The following CRHR1 variants were observed in gnomAD, a reference collection of about 807,000 sequenced individuals.
CRHR1 encodes corticotropin-releasing hormone receptor 1.
In CRHR1, 28 loss-of-function variants were observed where a neutral mutation model predicts 56.0. The observed-to-expected ratio is 0.50, with a 90% CI of 0.37 to 0.69. The LOEUF (loss-of-function observed/expected upper bound fraction) is 0.69, where lower values mean the gene tolerates loss of function less well. Among genes scored for constraint, CRHR1 ranks in the 30% least tolerant of loss-of-function variants. The pLI is 0.00. For missense variants in CRHR1, 376 were observed against 548.0 expected (o/e 0.69, Z 3.13); for synonymous variants, 195 against 216.5 (o/e 0.90, Z 0.87).
chr17:45,831,864 G>T (rs949569024), intron 8 of CRHR1, among the ~76,000 whole-genome samples: 1 of 152,186 alleles, frequency 6.6e-6, no homozygotes, highest in African/African-American at 2.4e-5. Flanking sequence ...CCCATGGAGG[G>T]GAGGGGGCCT....
In CRHR1 at chr17:45,834,685, G is replaced by A. The variant is rs970324833; in HGVS notation, c.1169G>A (p.Arg390Gln). 1.5e-5 allele frequency: 25 copies of A among 1,613,550 alleles called. No homozygotes were observed. Among genetic ancestry groups the A allele is most frequent in the Non-Finnish European group, 2.1e-5 (25 of 1,179,970 alleles). The change falls in exon 13 of 13, where the codon CGA (arginine) becomes CAA (glutamine). Residue 390 changes from arginine to glutamine, a missense_variant. Coordinates refer to ENST00000314537, the MANE Select transcript of CRHR1 (RefSeq NM_004382.5). ...RWQDKHSIRA[R>Q]VARAMSIPTS... The stretch of plus-strand genomic sequence containing the variant: ...CAGGACAAGCACTCGATCCGTGCCC[G>A]AGTGGCCCGTGCCATGTCCATCCCC...
chr17:45,833,701 C>CCCCCCCCCCCCCCCCCCA lies in CRHR1; in HGVS notation c.930-13_930-12insCCCCCCCCCCCCCCCCCA. 1.0e-6 allele frequency: 1 copy of CCCCCCCCCCCCCCCCCCA among 998,084 alleles called. No individual in the cohort carries two copies. The highest frequency in any genetic ancestry group is 1.6e-6 in the Non-Finnish European group (1 of 630,660). 61.8% of individuals were successfully genotyped at this position (998,084 alleles called of 1,614,324 possible). A position where few individuals can be genotyped will look rare whatever the true frequency, so the allele number is the denominator to read the frequency against. On this transcript the variant is annotated splice_polypyrimidine_tract_variant and intron_variant, in intron 10 of 12. Transcript: ENST00000314537. ...GGCTGTGACTCCGAGCCTCCCCACC[C>CCCCCCCCCCCCCCCCCCA]GCCCCACCCCAGGAAGGCTGTGAAA... is the stretch of plus-strand genomic sequence containing the variant.
chr17:45,829,505 G>T, intron 5 of CRHR1, 184 bp downstream of exon 5: 1 of 1,495,872 alleles, frequency 6.7e-7, no homozygotes, highest in Non-Finnish European at 9.1e-7. Context: ...CCTCTCCCCA[G>T]TAGCTGCTGG....
At chr17:45,813,318 C>A (rs2061860818) in intron 2 of CRHR1, among the ~76,000 whole-genome samples, 1 of 152,034 alleles carries the variant, frequency 6.6e-6, no homozygotes, top group South Asian at 2.1e-4. Flanking sequence ...AACCCCCCCA[C>A]CCCAAGCCCC....
At position 45,812,695 on chromosome 17, in the gene CRHR1, G is replaced by C. The variant is rs147035079; in HGVS notation, c.122-3768G>C. Among the ~76,000 whole-genome samples, 31 of 152,118 alleles carry C rather than the reference G, an allele frequency of 2.0e-4. No individual in the cohort carries two copies. In the East Asian group the frequency reaches 5.8e-3, roughly 28 times the overall value. On this transcript the variant is annotated intron_variant, in intron 2 of 12. Transcript: ENST00000314537. ...CACCTGTGAAATGATCTTTCTCTCTGCCTCCTTCTCCTGACTTCCCGCCTG... is the reference window on the plus strand; with the variant it reads ...CACCTGTGAAATGATCTTTCTCTCTCCCTCCTTCTCCTGACTTCCCGCCTG...
chr17:45,815,965 A>G (rs1176954413), intron 2 of CRHR1, among the ~76,000 whole-genome samples: 3 of 152,208 alleles, frequency 2.0e-5, no homozygotes, highest in African/African-American at 7.2e-5. Flanking sequence ...AGGAGGGCCA[A>G]CTTCATTTAG....
In CRHR1 at chr17:45,816,634, G is replaced by A. The variant is rs1429429385; in HGVS notation, c.241+52G>A. 15 of 1,610,104 alleles carry A rather than the reference G, an allele frequency of 9.3e-6. No homozygotes were observed. The Middle Eastern group carries it at 1.2e-3, about 124-fold the overall frequency. On this transcript the variant is annotated intron_variant, in intron 3 of 12. Transcript: ENST00000314537. ...TCTGCTGGGAGGTGGGACAGGATGG[G>A]GAGAGCTTGGAGGTGGGGGAAGGAA...
intron 1 of CRHR1, among the ~76,000 whole-genome samples, chr17:45,803,788 G>A (rs563233380): frequency 3.2e-4 from 49 of 152,302 alleles, no homozygotes; most frequent in African/African-American, 9.6e-4. Flanking sequence ...GTGCGCGTGC[G>A]CGTGTGTGCA....
chr17:45,814,830 C>T (rs1490659929), intron 2 of CRHR1, among the ~76,000 whole-genome samples: 2 of 152,278 alleles, frequency 1.3e-5, no homozygotes, highest in Admixed American at 6.5e-5. Flanking sequence ...CCGCCTGGCC[C>T]GCAGTCACCT....
rs985265350 is a variant in CRHR1 at position 45,803,925 on chromosome 17, C to T, written c.34-3085C>T. On this transcript the variant is annotated intron_variant, in intron 1 of 12. Transcript: ENST00000314537. Reference sequence around the variant, plus strand: ...AACTGCCCCTCTCCGGGGACAGAGCCGAGCCTGGGTCCTTGCTGATTGCTG... The same window carrying T: ...AACTGCCCCTCTCCGGGGACAGAGCTGAGCCTGGGTCCTTGCTGATTGCTG... 2.6e-5 allele frequency among the ~76,000 whole-genome samples: 4 copies of T among 152,274 alleles called. No individual in the cohort carries two copies. The East Asian group carries it at 5.8e-4, about 22-fold the overall frequency.
rs531227539 is a variant in CRHR1 at position 45,789,220 on chromosome 17, G to A, written c.33+4643G>A. Among the ~76,000 whole-genome samples, 36 of 152,328 alleles carry A rather than the reference G, an allele frequency of 2.4e-4. No individual in the cohort carries two copies. The South Asian group carries it at 2.9e-3, about 12-fold the overall frequency. On this transcript the variant is annotated intron_variant, in intron 1 of 12. Coordinates refer to ENST00000314537, the MANE Select transcript of CRHR1 (RefSeq NM_004382.5). ...TCTGATTCTACCCTAACTGCTCACGGTATCAACCAAAGAAGGGTGAGCCCA... is the reference window on the plus strand; with the variant it reads ...TCTGATTCTACCCTAACTGCTCACGATATCAACCAAAGAAGGGTGAGCCCA...
chr17:45,810,647 G>A (rs1041123859), intron 2 of CRHR1, among the ~76,000 whole-genome samples: 20 of 152,102 alleles, frequency 1.3e-4, no homozygotes, highest in Non-Finnish European at 2.6e-4. Context: ...GTTTGCACAC[G>A]GCCCCATATT....
chr17:45,817,182 G>T (rs998059824), intron 3 of CRHR1, among the ~76,000 whole-genome samples: 1 of 152,170 alleles, frequency 6.6e-6, no homozygotes, highest in African/African-American at 2.4e-5. Context: ...CTGGCTCCCC[G>T]GAGGCCCGAA....
chr17:45,823,000 C>A (rs899875093), intron 4 of CRHR1, among the ~76,000 whole-genome samples: 1 of 148,138 alleles, frequency 6.8e-6, no homozygotes, highest in African/African-American at 2.5e-5. Context: ...AAAAATTAGC[C>A]GAGCATGGTG....
In CRHR1 at chr17:45,834,903, G is replaced by T. The variant is rs894365172; in HGVS notation, c.*139G>T. 2.5e-5 allele frequency: 29 copies of T among 1,171,224 alleles called. No individual in the cohort carries two copies. Among genetic ancestry groups the T allele is most frequent in the South Asian group, 2.9e-5 (2 of 68,410 alleles). The allele number at this position is 1,171,224 out of a possible 1,614,324, so 72.6% of individuals were successfully genotyped here. A position where few individuals can be genotyped will look rare whatever the true frequency, so the allele number is the denominator to read the frequency against. Reference sequence around the variant, plus strand: ...AGGAGCAGCTGGCACTGACAGCCTGGGGGGGCCGCTCTCCCCCTGCAGCCG... The same window carrying T: ...AGGAGCAGCTGGCACTGACAGCCTGTGGGGGCCGCTCTCCCCCTGCAGCCG... On this transcript the variant is annotated 3_prime_UTR_variant, in exon 13 of 13. Transcript: ENST00000314537.
chr17:45,803,969 G>C (rs972708043), intron 1 of CRHR1, among the ~76,000 whole-genome samples: 23 of 152,300 alleles, frequency 1.5e-4, no homozygotes, highest in Admixed American at 1.5e-3. Context: ...GTGCAGCTTT[G>C]TCATGAGGAC....
chr17:45,824,630 G>A (rs538036320), intron 4 of CRHR1, among the ~76,000 whole-genome samples: 120 of 152,278 alleles, frequency 7.9e-4, no homozygotes, highest in African/African-American at 2.8e-3. Flanking sequence ...GAAGAGGATC[G>A]GGAGCCCGGT....
rs1156368917 is a variant in CRHR1, at chr17:45,833,809, T to A, written c.1025T>A (p.Val342Asp). 1 of 1,610,408 alleles carries A rather than the reference T, an allele frequency of 6.2e-7. No homozygotes were observed. Among genetic ancestry groups the A allele is most frequent in the Admixed American group, 1.7e-5 (1 of 59,750 alleles). Residue 342 changes from valine to aspartate, a missense_variant, in exon 11 of 13, where the codon GTC becomes GAC. Transcript: ENST00000314537. ...CCCGGGGAGGATGAGGTCTCCCGGG[T>A]CGTCTTCATCTACTTCAACTCCTTC... is the stretch of plus-strand genomic sequence containing the variant. ...VNPGEDEVSR[V>D]VFIYFNSFLE...
intron 3 of CRHR1, among the ~76,000 whole-genome samples, chr17:45,820,893 C>T (rs541075270): frequency 3.7e-4 from 56 of 152,356 alleles, no homozygotes; most frequent in Admixed American, 3.4e-3. Flanking sequence ...CCACCTGCCA[C>T]GCGAGCTGTC....
Sources: allele counts gnomAD v4.1 joint callset (sites outside exome capture counted in the v4.1 genomes callset), GRCh38; gene constraint gnomAD v4.1.1; transcripts MANE v1.5; gene names NCBI Gene and HGNC (gene_info 2026-07-23, HGNC 2026-07-21).